AFDN: variants seen among roughly 807,000 people sequenced by gnomAD.
AFDN encodes afadin.
Under a neutral mutation model 216.6 loss-of-function variants are expected in AFDN, and 68 were observed. The ratio of observed to expected loss-of-function variants is 0.31; its 90% CI spans 0.26 to 0.38. AFDN has a LOEUF of 0.38. Among genes scored for constraint, AFDN ranks in the 10% least tolerant of loss-of-function variants. AFDN has a pLI of 1.00. For missense variants in AFDN, 2,136 were observed against 2,342.0 expected, an observed-to-expected ratio of 0.91 and a Z score of 1.82; for synonymous variants, 868 against 853.7, an observed-to-expected ratio of 1.02 and a Z score of -0.29.
intron 11 of AFDN, among the ~76,000 whole-genome samples, chr6:167,901,003 G>A (rs1251384939): frequency 6.6e-6 from 1 of 152,140 alleles, no homozygotes; most frequent in Admixed American, 6.5e-5. Flanking sequence ...TTAAAGCATG[G>A]TATTATTTTG....
intron 8 of AFDN, 143 bp from the exon 9 acceptor site, chr6:167,893,719 T>C (rs1787889477): frequency 1.5e-6 from 1 of 673,896 alleles, no homozygotes; most frequent in South Asian, 1.7e-5. Context: ...GGGTGAAGTG[T>C]ACCTTTTCTT....
intron 32 of AFDN, 190 bp downstream of exon 32, chr6:167,966,235 A>G: frequency 6.5e-7 from 1 of 1,530,822 alleles, no homozygotes. Flanking sequence ...CCCCCTCCAA[A>G]AAAATCCAGC....
At chr6:167,846,367 C>A (rs1265470045) in intron 1 of AFDN, among the ~76,000 whole-genome samples, 1 of 151,952 alleles carries the variant, frequency 6.6e-6, no homozygotes, top group Non-Finnish European at 1.5e-5. Flanking sequence ...TACAAAAATA[C>A]TAAAATAATT....
intron 1 of AFDN, chr6:167,863,670 T>C (rs1783835624): frequency 7.1e-6 from 3 of 423,804 alleles, no homozygotes; most frequent in African/African-American, 4.0e-5. Flanking sequence ...TTGGGAGTTG[T>C]GCTTTTTCTG....
chr6:167,884,339 C>G (rs758044069), intron 6 of AFDN, among the ~76,000 whole-genome samples: 1 of 152,166 alleles, frequency 6.6e-6, no homozygotes. Context: ...CTAATGGCAT[C>G]TAGAATGGTG....
chr6:167,917,362 G>T lies in AFDN; in HGVS notation c.2709+130G>T, dbSNP rs532591916. On this transcript the variant is annotated intron_variant, in intron 20 of 33. Coordinates refer to ENST00000683244, the MANE Select transcript of AFDN (RefSeq NM_001386888.1). The stretch of plus-strand genomic sequence containing the variant: ...ATTCTCATCTTACAAGATCATTTTC[G>T]TGTTGCTGTCCAAGAGTTCAATGAA... The T allele has an allele frequency of 3.9e-6, 4 of 1,023,656 alleles. No homozygotes were observed. In the African/African-American group the frequency reaches 5.0e-5, roughly 13 times the overall value. The allele number at this position is 1,023,656 out of a possible 1,614,324, so 63.4% of individuals were successfully genotyped here.
chr6:167,944,116 A>G, intron 26 of AFDN, 57 bp downstream of exon 26: 14 of 1,351,288 alleles, frequency 1.0e-5, no homozygotes, highest in Admixed American at 1.7e-5. Context: ...TTGAATGGTC[A>G]CAAAACCCCC....
Position 167,917,076 on chromosome 6 carries a change from T to C in AFDN, c.2566-13T>C, listed in dbSNP as rs769950307. 5 of 1,610,688 alleles carry C rather than the reference T, an allele frequency of 3.1e-6. No individual in the cohort carries two copies. The South Asian group carries it at 5.5e-5, about 18-fold the overall frequency. The stretch of plus-strand genomic sequence containing the variant: ...CAAGTGTGATATTTTATGTCCTTTA[T>C]TCTTTTACATAGGCAACGACTTTGC... On this transcript the variant is annotated splice_polypyrimidine_tract_variant and intron_variant, in intron 19 of 33. Coordinates refer to ENST00000683244, the MANE Select transcript of AFDN (RefSeq NM_001386888.1).
At chr6:167,890,742 G>A in intron 7 of AFDN, 120 bp from the exon 8 acceptor site, 2 of 873,184 alleles carry the variant, frequency 2.3e-6, no homozygotes, top group Non-Finnish European at 3.6e-6. Flanking sequence ...GTGATTCCTT[G>A]GCAGATGTTC....
chr6:167,934,488 A>G (rs1414876145), intron 23 of AFDN, among the ~76,000 whole-genome samples: 1 of 152,240 alleles, frequency 6.6e-6, no homozygotes, highest in African/African-American at 2.4e-5. Flanking sequence ...TCTGACTAGA[A>G]GTAAAGCAGT....
intron 7 of AFDN, among the ~76,000 whole-genome samples, chr6:167,889,834 A>G (rs1474942679): frequency 1.3e-5 from 2 of 152,240 alleles, no homozygotes; most frequent in African/African-American, 2.4e-5. Context: ...GAAGCGAAAG[A>G]TCATTGGTAT....
intron 1 of AFDN, among the ~76,000 whole-genome samples, chr6:167,851,290 CAG>C (rs1782279021): frequency 6.6e-6 from 1 of 152,198 alleles, no homozygotes; most frequent in Admixed American, 6.5e-5. Context: ...CTTTTAGGGT[CAG>C]GGGACATCTG....
At chr6:167,883,974 C>G (rs887417269) in intron 6 of AFDN, among the ~76,000 whole-genome samples, 2 of 152,180 alleles carry the variant, frequency 1.3e-5, no homozygotes, top group African/African-American at 4.8e-5. Flanking sequence ...TCCTCCCAAC[C>G]CCTGCCACTG....
chr6:167,847,273 C>G (rs1047253242), intron 1 of AFDN, among the ~76,000 whole-genome samples: 5 of 152,126 alleles, frequency 3.3e-5, no homozygotes, highest in Admixed American at 6.6e-5. Context: ...CCACTTATTC[C>G]CTAGGTGAAA....
chr6:167,850,820 G>A (rs1782210304), intron 1 of AFDN, among the ~76,000 whole-genome samples: 1 of 152,178 alleles, frequency 6.6e-6, no homozygotes, highest in East Asian at 1.9e-4. Flanking sequence ...GGGTAGATCA[G>A]TTATATCACT....
chr6:167,828,727 C>T (rs1583059876), intron 1 of AFDN, among the ~76,000 whole-genome samples: 1 of 149,162 alleles, frequency 6.7e-6, no homozygotes, highest in Non-Finnish European at 1.5e-5. Flanking sequence ...AAAAGTTGAC[C>T]ATAAAACATT....
Position 167,902,397 on chromosome 6 carries a change from A to G in AFDN, c.1650+11A>G. Reference sequence around the variant, plus strand: ...TTACCGACAAGCAAGGTAGGTAATTATGGATTACCTGATAGAAGTGTGCTT... The same window carrying G: ...TTACCGACAAGCAAGGTAGGTAATTGTGGATTACCTGATAGAAGTGTGCTT... On this transcript the variant is annotated intron_variant, in intron 12 of 33. Transcript: ENST00000683244. The G allele has an allele frequency of 6.3e-7, 1 of 1,591,038 alleles. No homozygotes were observed. The highest frequency in any genetic ancestry group is 8.6e-7 in the Non-Finnish European group (1 of 1,159,688).
At chr6:167,836,001 C>T (rs936417267) in intron 1 of AFDN, among the ~76,000 whole-genome samples, 10 of 152,152 alleles carry the variant, frequency 6.6e-5, no homozygotes, top group African/African-American at 2.4e-4. Flanking sequence ...TGGAAGTATA[C>T]ATTTCAACAT....
At chr6:167,854,320 T>C (rs141926911) in intron 1 of AFDN, among the ~76,000 whole-genome samples, 97 of 152,194 alleles carry the variant, frequency 6.4e-4, no homozygotes, top group Non-Finnish European at 1.2e-3. Context: ...TAGAAACTCT[T>C]TATCTGTTAA....
Sources: allele counts gnomAD v4.1 joint callset (sites outside exome capture counted in the v4.1 genomes callset), GRCh38; gene constraint gnomAD v4.1.1; transcripts MANE v1.5; gene names NCBI Gene and HGNC (gene_info 2026-07-23, HGNC 2026-07-21).